The following SYTL2 variants were observed in gnomAD, a reference collection of about 807,000 sequenced individuals.
SYTL2 encodes synaptotagmin-like protein 2.
SYTL2 carries 165 observed loss-of-function variants against 198.7 expected under a neutral mutation model. The observed-to-expected ratio is 0.83, with a 90% confidence interval of 0.73 to 0.94. The LOEUF is 0.94. Among genes scored for constraint, SYTL2 ranks in the 40% least tolerant of loss-of-function variants. SYTL2 has a pLI of 0.00. For missense variants in SYTL2, 2,835 were observed against 2,582.8 expected (o/e 1.10, Z -2.12); for synonymous variants, 966 against 917.7 (o/e 1.05, Z -0.95).
chr11:85,740,333 G>A (rs1353123522), intron 4 of SYTL2, among the ~76,000 whole-genome samples: 3 of 151,774 alleles, frequency 2.0e-5, no homozygotes, highest in Non-Finnish European at 4.4e-5. Flanking sequence ...TGCTTTCTTT[G>A]TCTACCCAAA....
chr11:85,823,431 T>C, the SYTL2 span, among the ~76,000 whole-genome samples: 1 of 152,212 alleles, frequency 6.6e-6, no homozygotes, highest in African/African-American at 2.4e-5. Flanking sequence ...ACTTTCTACA[T>C]TAAGATCATT....
chr11:85,853,657 T>TAAAAAAAA, the SYTL2 span: 8 of 82,534 alleles, frequency 9.7e-5, no homozygotes, highest in Non-Finnish European at 1.5e-4. Context: ...GAATGATCAA[T>TAAAAAAAA]AAAAAAAAAA....
chr11:85,742,914 T>G (rs975729460), intron 4 of SYTL2, among the ~76,000 whole-genome samples: 3 of 152,182 alleles, frequency 2.0e-5, no homozygotes, highest in East Asian at 1.9e-4. Context: ...ACCTCTCTGC[T>G]TCCTTGTACT....
At chr11:85,814,612 C>T (rs1034250498), upstream of SYTL2, among the ~76,000 whole-genome samples, 2 of 152,228 alleles carry the variant, frequency 1.3e-5, no homozygotes, top group Non-Finnish European at 2.9e-5. Flanking sequence ...ACTCTCTGAG[C>T]TGCCTTCTTG....
rs756186406 is a variant in SYTL2 at position 85,726,180 on chromosome 11, G to T, written c.3178C>A (p.Leu1060Ile). The T allele has an allele frequency of 2.5e-6, 4 of 1,613,914 alleles. No homozygotes were observed. Among genetic ancestry groups the T allele is most frequent in the Non-Finnish European group, 3.4e-6 (4 of 1,179,880 alleles). Residue 1060 changes from leucine to isoleucine, a missense_variant, in exon 8 of 20, where the codon CTC becomes ATC. Leu to Ile is a conservative substitution (Grantham distance 5). Transcript: ENST00000359152. Reference protein sequence around the residue: ...EMEKLNSKGILQVLPDEITFP... With the variant: ...EMEKLNSKGIIQVLPDEITFP... Reference sequence around the variant, plus strand: ...GTGATTTCATCTGGTAGCACCTGGAGTATGCCCTTTGAATTTAATTTCTCC... The same window carrying T: ...GTGATTTCATCTGGTAGCACCTGGATTATGCCCTTTGAATTTAATTTCTCC...
Position 85,724,338 on chromosome 11 carries a change from C to A in SYTL2, c.5020G>T (p.Gly1674Trp). Residue 1674 changes from glycine to tryptophan, a missense_variant, in exon 8 of 20, where the codon GGG becomes TGG. Transcript: ENST00000359152. ...TPQLYVAHEI[G>W]TIKTVTPPED... The stretch of plus-strand genomic sequence containing the variant: ...GGGGGGGTTACAGTTTTAATGGTCC[C>A]TATTTCATGAGCCACATAAAGTTGT... The A allele has an allele frequency of 6.3e-7, 1 of 1,583,132 alleles. No homozygotes were observed. The highest frequency in any genetic ancestry group is 1.8e-5 in the Admixed American group (1 of 54,908).
At position 85,724,065 on chromosome 11, in the gene SYTL2, T is replaced by C. The variant is rs1229676403; in HGVS notation, c.5293A>G (p.Ser1765Gly). 1 of 1,546,982 alleles carries C rather than the reference T, an allele frequency of 6.5e-7. No homozygotes were observed. ...TTTCTCCAGCTCTCTGCATTAGAAC[T>C]GGTGTTTCCATCTGAAAAATCAGAC... Reference protein sequence around the residue: ...SESDFSDGNTSSNAESWRNPS... With the variant: ...SESDFSDGNTGSNAESWRNPS... The change falls in exon 8 of 20, where the codon AGT becomes GGT. Residue 1765 changes from serine (S) to glycine (G), a missense_variant. Coordinates refer to ENST00000359152, the MANE Select transcript of SYTL2 (RefSeq NM_206927.4).
Position 85,745,719 on chromosome 11 carries a change from C to T in SYTL2, c.307G>A (p.Val103Ile), listed in dbSNP as rs769363299. The T allele has an allele frequency of 6.2e-7, 1 of 1,613,748 alleles. No individual in the cohort carries two copies. Among genetic ancestry groups the T allele is most frequent in the Admixed American group, 1.7e-5 (1 of 60,010 alleles). ...GGAGGAAGGAAAGCATCTTTGTTGA[C>T]ATTATTCACCCAGCTTTCCTTTGCC... ...NGAKESWVNN[V>I]NKDAFLPPEL... The change falls in exon 4 of 20, where the codon GTC becomes ATC. Residue 103 changes from valine to isoleucine, a missense_variant. Transcript: ENST00000359152.
chr11:85,784,014 T>C (rs1566020588), intron 1 of SYTL2, among the ~76,000 whole-genome samples: 1 of 152,218 alleles, frequency 6.6e-6, no homozygotes, highest in African/African-American at 2.4e-5. Context: ...GGTCTTTACC[T>C]ATCTGATGGG....
At chr11:85,736,750 T>C (rs1472828131) in intron 5 of SYTL2, 135 bp from the exon 6 acceptor site, 1 of 626,786 alleles carries the variant, frequency 1.6e-6, no homozygotes. Context: ...GAAAAACAGT[T>C]GTCCTGATTA....
intron 16 of SYTL2, 134 bp downstream of exon 16, chr11:85,704,724 C>CA (rs985366848): frequency 1.1e-5 from 7 of 628,886 alleles, no homozygotes; most frequent in Non-Finnish European, 1.8e-5. Context: ...TTTTACCTTT[C>CA]TTTTTTTTCC....
the SYTL2 span, among the ~76,000 whole-genome samples, chr11:85,836,021 T>C: frequency 6.6e-6 from 1 of 152,192 alleles, no homozygotes; most frequent in African/African-American, 2.4e-5. Context: ...TCTGGTTCAT[T>C]GTCTCCAGAG....
At chr11:85,728,134 G>A (rs1434177095) in intron 7 of SYTL2, 167 bp from the exon 8 acceptor site, 8 of 601,532 alleles carry the variant, frequency 1.3e-5, no homozygotes, top group Non-Finnish European at 2.2e-5. Flanking sequence ...TCCTAATTAA[G>A]GTATTCTACC....
chr11:85,807,808 G>C (rs1167255647), intron 1 of SYTL2, among the ~76,000 whole-genome samples: 1 of 152,144 alleles, frequency 6.6e-6, no homozygotes, highest in Non-Finnish European at 1.5e-5. Flanking sequence ...TAAATACAGG[G>C]AAATTATGAG....
At chr11:85,791,601 C>T (rs536075011) in intron 1 of SYTL2, among the ~76,000 whole-genome samples, 1 of 152,332 alleles carries the variant, frequency 6.6e-6, no homozygotes, top group East Asian at 1.9e-4. Context: ...TACCATCTAA[C>T]TGCCATCTGT....
intron 1 of SYTL2, among the ~76,000 whole-genome samples, chr11:85,787,097 T>C (rs1386733627): frequency 3.3e-5 from 5 of 152,222 alleles, no homozygotes; most frequent in African/African-American, 1.2e-4. Flanking sequence ...CTCACAGGCC[T>C]GGGGAGAGGA....
intron 10 of SYTL2, chr11:85,718,295 C>T (rs1337916241): frequency 5.4e-5 from 9 of 167,532 alleles, no homozygotes; most frequent in African/African-American, 1.9e-4. Context: ...CAACTTCACC[C>T]TCTGTCTATA....
At position 85,771,650 on chromosome 11, in the gene SYTL2, G is replaced by A. The variant is rs1022275546; in HGVS notation, c.-389-13536C>T. 9.9e-5 allele frequency among the ~76,000 whole-genome samples: 15 copies of A among 152,160 alleles called. 2 individuals are homozygous for A. The highest frequency in any genetic ancestry group is 3.9e-4 in the Admixed American group (6 of 15,272). On this transcript the variant is annotated intron_variant, in intron 1 of 19. Coordinates refer to ENST00000359152, the MANE Select transcript of SYTL2 (RefSeq NM_206927.4). ...TGTAGGAGAAACTGGCCCTTTTTCC[G>A]CAGTCTAGTTGGCAGTGTCATGAAG... is the stretch of plus-strand genomic sequence containing the variant.
At chr11:85,696,443 G>T in intron 18 of SYTL2, 55 bp from the exon 19 acceptor site, 2 of 1,318,370 alleles carry the variant, frequency 1.5e-6, no homozygotes, top group Non-Finnish European at 2.2e-6. Flanking sequence ...GAACATTCAT[G>T]CTTTCAATAC....
Sources: gnomAD v4.1 joint callset for allele counts (sites outside exome capture counted in the v4.1 genomes callset) on GRCh38, gnomAD v4.1.1 for gene constraint, MANE v1.5 for transcripts, NCBI Gene and HGNC (gene_info 2026-07-23, HGNC 2026-07-21) for gene names.